The following EFHB variants were observed in gnomAD, a reference collection of about 807,000 sequenced individuals.
EFHB encodes the protein EF-hand domain family member B, also known as EF-hand domain-containing family member B.
A neutral mutation model predicts 87.2 loss-of-function variants in EFHB; 91 were observed. That is an observed-to-expected ratio of 1.04 (90% confidence interval 0.88 to 1.24). The LOEUF is 1.24. Ranked by LOEUF, EFHB falls within the 50% of genes most tolerant of loss-of-function variation. EFHB has a pLI of 0.00. For missense variants in EFHB, 1,084 were observed against 998.8 expected (o/e 1.09, Z -1.15); for synonymous variants, 325 against 333.6 (o/e 0.97, Z 0.28).
intron 1 of EFHB, among the ~76,000 whole-genome samples, chr3:19,939,987 C>T (rs973596839): frequency 2.0e-5 from 3 of 152,186 alleles, no homozygotes; most frequent in Admixed American, 6.5e-5. Flanking sequence ...ATTGACTCAG[C>T]CATCTTCCGA....
intron 10 of EFHB, among the ~76,000 whole-genome samples, chr3:19,887,377 C>G (rs1286220378): frequency 1.8e-5 from 2 of 112,828 alleles, no homozygotes; most frequent in Non-Finnish European, 3.5e-5. Flanking sequence ...AGAGCAAGAC[C>G]CTATCAAAAA....
chr3:19,892,045 C>A (rs1175543779), intron 9 of EFHB, among the ~76,000 whole-genome samples: 1 of 152,134 alleles, frequency 6.6e-6, no homozygotes, highest in Non-Finnish European at 1.5e-5. Flanking sequence ...TGGTGCCACA[C>A]CAATATTGAC....
intron 1 of EFHB, among the ~76,000 whole-genome samples, chr3:19,922,568 C>T (rs373120405): frequency 6.6e-6 from 1 of 152,210 alleles, no homozygotes; most frequent in South Asian, 2.1e-4. Flanking sequence ...TCCTCTCCCA[C>T]TGGGCCCTGG....
At chr3:19,886,943 A>C (rs963130147) in intron 10 of EFHB, among the ~76,000 whole-genome samples, 3 of 152,212 alleles carry the variant, frequency 2.0e-5, no homozygotes, top group Non-Finnish European at 4.4e-5. Context: ...TCATTATAGC[A>C]TTGTGCATAT....
chr3:19,902,270 A>G (rs1694696763), intron 6 of EFHB, among the ~76,000 whole-genome samples: 1 of 152,092 alleles, frequency 6.6e-6, no homozygotes, highest in African/African-American at 2.4e-5. Context: ...ACTCAAACCA[A>G]AGTTTGATTT....
chr3:19,911,666 A>G (rs1368329969), intron 5 of EFHB, among the ~76,000 whole-genome samples: 1 of 152,178 alleles, frequency 6.6e-6, no homozygotes, highest in Non-Finnish European at 1.5e-5. Flanking sequence ...CAGTCTCTCA[A>G]CAGCAGAATT....
chr3:19,915,447 C>T (rs1280178880), intron 4 of EFHB, 34 bp from the exon 5 acceptor site: 2 of 1,409,282 alleles, frequency 1.4e-6, no homozygotes, highest in Non-Finnish European at 2.0e-6. Flanking sequence ...AGTTCCAAGT[C>T]ACTTTTTAAC....
chr3:19,944,141 G>T (rs1696220369), intron 1 of EFHB, among the ~76,000 whole-genome samples: 1 of 152,180 alleles, frequency 6.6e-6, no homozygotes. Flanking sequence ...TTGTCTCCAG[G>T]AAAAATTTTG....
At chr3:19,945,776 G>C (rs1446178485) in intron 1 of EFHB, 1 of 152,156 alleles carries the variant, frequency 6.6e-6, no homozygotes, top group African/African-American at 2.4e-5. Flanking sequence ...CTGGCAACTA[G>C]GTAGTTGATC....
In EFHB at chr3:19,933,260, C is replaced by A. The variant is rs1472512943; in HGVS notation, c.759G>T (p.Lys253Asn). 5.0e-6 allele frequency: 8 copies of A among 1,613,502 alleles called. No individual in the cohort carries two copies. The highest frequency in any genetic ancestry group is 5.9e-6 in the Non-Finnish European group (7 of 1,179,546). The change falls in exon 1 of 13, where the codon AAG (lysine) becomes AAT (asparagine). Residue 253 changes from lysine to asparagine, a missense_variant. Transcript: ENST00000295824. ...GCCAGCAAGGGGTCCGATCAAAAAA[C>A]TTCCCAGAGTATATGGGTCTGATGC... ...PDRIRPIYSGKFFDRTPCWPS... is the reference protein window; with the variant it reads ...PDRIRPIYSGNFFDRTPCWPS...
At chr3:19,923,160 G>A (rs1018341563) in intron 1 of EFHB, among the ~76,000 whole-genome samples, 2 of 152,064 alleles carry the variant, frequency 1.3e-5, no homozygotes, top group African/African-American at 4.8e-5. Flanking sequence ...CCAGCTACTT[G>A]GGAGGCCCAG....
At chr3:19,879,926 G>A in intron 12 of EFHB, 122 bp from the exon 13 acceptor site, 2 of 892,166 alleles carry the variant, frequency 2.2e-6, no homozygotes, top group Non-Finnish European at 3.3e-6. Flanking sequence ...AAAAGTATGT[G>A]TGTGTATGTA....
intron 5 of EFHB, among the ~76,000 whole-genome samples, chr3:19,909,200 C>T (rs6778242): frequency 6.6e-6 from 1 of 152,010 alleles, no homozygotes; most frequent in East Asian, 1.9e-4. Flanking sequence ...ACAGACACCA[C>T]CCCTCCCCAA....
intron 6 of EFHB, 32 bp from the exon 7 acceptor site, chr3:19,899,547 A>G: frequency 6.5e-7 from 1 of 1,535,424 alleles, no homozygotes; most frequent in Non-Finnish European, 8.8e-7. Context: ...AGGTATCTCT[A>G]TTACCTAAAG....
At chr3:19,888,778 C>G in intron 9 of EFHB, 127 bp from the exon 10 acceptor site, 1 of 804,588 alleles carries the variant, frequency 1.2e-6, no homozygotes, top group East Asian at 2.7e-5. Context: ...TCAATTTTCA[C>G]AGAAGAGGAG....
At chr3:19,934,440 C>CCTCTCA, upstream of EFHB, among the ~76,000 whole-genome samples, 1 of 142,230 alleles carries the variant, frequency 7.0e-6, no homozygotes, top group Non-Finnish European at 1.5e-5. Context: ...TTGCCCTCTC[C>CCTCTCA]CTCTCTCTCC....
Position 19,923,584 on chromosome 3 carries a change from AG to A in EFHB, c.790-3018del, listed in dbSNP as rs1390641631. On this transcript the variant is annotated intron_variant, in intron 1 of 12. Coordinates refer to ENST00000295824, the MANE Select transcript of EFHB (RefSeq NM_144715.4). ...GAGACGAGTTTTTGACATGTTGCACAGGCTGGTCTTGAACTTCTGAGCTCAA... is the reference window on the plus strand; with the variant it reads ...GAGACGAGTTTTTGACATGTTGCACAGCTGGTCTTGAACTTCTGAGCTCAA... Among the ~76,000 whole-genome samples the A allele has an allele frequency of 3.3e-5, 5 of 152,234 alleles. No homozygotes were observed. In the East Asian group the frequency reaches 9.7e-4, roughly 30 times the overall value.
At chr3:19,910,737 AG>A (rs1355572385) in intron 5 of EFHB, among the ~76,000 whole-genome samples, 1 of 152,236 alleles carries the variant, frequency 6.6e-6, no homozygotes, top group Non-Finnish European at 1.5e-5. Flanking sequence ...CCCCAGCTTT[AG>A]GTGGCTCAGA....
At chr3:19,906,236 C>T (rs1415053700) in intron 5 of EFHB, among the ~76,000 whole-genome samples, 1 of 152,004 alleles carries the variant, frequency 6.6e-6, no homozygotes, top group African/African-American at 2.4e-5. Context: ...GGCTGAGGCA[C>T]GAGAATCGCT....
Sources: allele counts gnomAD v4.1 joint callset (sites outside exome capture counted in the v4.1 genomes callset), GRCh38; gene constraint gnomAD v4.1.1; transcripts MANE v1.5; gene names NCBI Gene and HGNC (gene_info 2026-07-23, HGNC 2026-07-21).